The following TEX14 variants were observed in gnomAD, a reference collection of about 807,000 sequenced individuals.
TEX14 encodes the protein testis expressed 14, intercellular bridge forming factor, also known as inactive serine/threonine-protein kinase TEX14.
TEX14 carries 168 observed loss-of-function variants against 178.6 expected under a neutral mutation model. That is an observed-to-expected ratio of 0.94 (90% CI 0.83 to 1.07). The LOEUF (loss-of-function observed/expected upper bound fraction) is 1.07. Ranked by LOEUF, TEX14 falls within the 50% of genes least tolerant of loss-of-function variation. The pLI, the probability that TEX14 is intolerant of heterozygous loss-of-function variation, is 0.00. For missense variants in TEX14, 1,730 were observed against 1,753.6 expected (o/e 0.99, Z 0.24); for synonymous variants, 626 against 634.1 (o/e 0.99, Z 0.19).
chr17:58,572,277 CAAACA>C, intron 23 of TEX14, 151 bp from the exon 24 acceptor site: 2 of 556,016 alleles, frequency 3.6e-6, no homozygotes, highest in Non-Finnish European at 6.3e-6. Flanking sequence ...AACAAACAAA[CAAACA>C]AAACATCCAA....
In TEX14 at chr17:58,584,504, T is replaced by C. The variant is rs1000388873; in HGVS notation, c.3167A>G (p.Tyr1056Cys). ...SDTLVAVEKS[Y>C]STSSPIEEDF... Reference sequence around the variant, plus strand: ...TTTCCAGGCAGTATTACTTACACTGTAAGATTTCTCTACAGCCACCAATGT... The same window carrying C: ...TTTCCAGGCAGTATTACTTACACTGCAAGATTTCTCTACAGCCACCAATGT... The change falls in exon 19 of 32, where the codon TAC becomes TGC. Residue 1056 changes from tyrosine (Y) to cysteine (C), a missense_variant. Coordinates refer to ENST00000349033, the MANE Select transcript of TEX14 (RefSeq NM_031272.5). The C allele has an allele frequency of 1.2e-6, 2 of 1,612,440 alleles. No individual in the cohort carries two copies. Among genetic ancestry groups the C allele is most frequent in the African/African-American group, 1.3e-5 (1 of 74,900 alleles).
intron 1 of TEX14, chr17:58,666,463 A>C (rs2047209303): frequency 7.6e-6 from 1 of 130,930 alleles, no homozygotes; most frequent in Non-Finnish European, 1.6e-5. Flanking sequence ...CACGGCAAAA[A>C]AAAAAAAAAA....
chr17:58,574,055 G>A (rs1567714091), intron 22 of TEX14, 132 bp downstream of exon 22: 6 of 707,200 alleles, frequency 8.5e-6, no homozygotes, highest in Non-Finnish European at 2.4e-6. Flanking sequence ...CAACTTTTTG[G>A]TGAAAGAAGC....
chr17:58,584,984 A>G (rs574974414), intron 18 of TEX14, among the ~76,000 whole-genome samples: 1 of 152,110 alleles, frequency 6.6e-6, no homozygotes, highest in African/African-American at 2.4e-5. Context: ...TACAGCCTTC[A>G]TTTTTTTTAA....
chr17:58,608,197 C>T (rs1237908148), intron 10 of TEX14, among the ~76,000 whole-genome samples: 1 of 152,116 alleles, frequency 6.6e-6, no homozygotes, highest in Non-Finnish European at 1.5e-5. Flanking sequence ...GCGGGTGGAT[C>T]ACAAGGTCAG....
Position 58,593,624 on chromosome 17 carries a change from T to G in TEX14, c.2507A>C (p.Asp836Ala). ...TCCTTGAGTGCACTGAAATTGTTCA[T>G]CTGTGTTCTGTTTTCCAGGGTCACA... ...TLCDPGKQNTDEQFQCTQGAK... is the reference protein window; with the variant it reads ...TLCDPGKQNTAEQFQCTQGAK... The change falls in exon 15 of 32, where the codon GAT (aspartate) becomes GCT (alanine). Residue 836 changes from aspartate to alanine, a missense_variant. By Grantham distance (126) the Asp-to-Ala change is moderately radical. Transcript: ENST00000349033. 1 of 1,614,164 alleles carries G rather than the reference T, an allele frequency of 6.2e-7. No individual in the cohort carries two copies. Among genetic ancestry groups the G allele is most frequent in the Middle Eastern group, 1.6e-4 (1 of 6,062 alleles).
At chr17:58,574,587 T>A (rs1370228661) in intron 21 of TEX14, among the ~76,000 whole-genome samples, 1 of 147,766 alleles carries the variant, frequency 6.8e-6, no homozygotes, top group African/African-American at 2.5e-5. Flanking sequence ...GAGACAGGAA[T>A]TGCTTGAACC....
At chr17:58,621,342 G>T (rs2045992933) in intron 5 of TEX14, among the ~76,000 whole-genome samples, 1 of 152,180 alleles carries the variant, frequency 6.6e-6, no homozygotes, top group South Asian at 2.1e-4. Context: ...TGTCCTGCTG[G>T]GTAAGGGTTT....
chr17:58,624,632 G>C (rs991950811), intron 3 of TEX14, among the ~76,000 whole-genome samples: 1 of 151,926 alleles, frequency 6.6e-6, no homozygotes, highest in African/African-American at 2.4e-5. Context: ...GTGAGCCACC[G>C]CGCCCAGCCT....
At chr17:58,584,698 T>C (rs2044909934) in intron 18 of TEX14, 98 bp from the exon 19 acceptor site, 1 of 1,001,244 alleles carries the variant, frequency 1.0e-6, no homozygotes, top group African/African-American at 1.6e-5. Context: ...TGTATACATA[T>C]TCTGCCAAGA....
chr17:58,578,250 C>G (rs1239515553), intron 20 of TEX14, among the ~76,000 whole-genome samples: 2 of 152,188 alleles, frequency 1.3e-5, no homozygotes, highest in Non-Finnish European at 2.9e-5. Context: ...TTGGGGGTTC[C>G]TCTTCCTCTG....
At chr17:58,684,357 G>A (rs546808247) in intron 1 of TEX14, among the ~76,000 whole-genome samples, 1 of 151,986 alleles carries the variant, frequency 6.6e-6, no homozygotes, top group East Asian at 1.9e-4. Flanking sequence ...AGCTATCTGG[G>A]AGGCTGATAC....
At chr17:58,576,506 C>A (rs888504343) in intron 21 of TEX14, among the ~76,000 whole-genome samples, 8 of 152,152 alleles carry the variant, frequency 5.3e-5, no homozygotes, top group African/African-American at 1.9e-4. Context: ...GAGTGAAATT[C>A]TATCTCAAGA....
At chr17:58,685,720 G>T (rs185061510) in intron 1 of TEX14, among the ~76,000 whole-genome samples, 1 of 151,646 alleles carries the variant, frequency 6.6e-6, no homozygotes, top group Admixed American at 6.6e-5. Context: ...GGCGAGGTGC[G>T]GTGCCTCATG....
At chr17:58,646,292 T>C (rs1432952796) in intron 2 of TEX14, among the ~76,000 whole-genome samples, 1 of 152,028 alleles carries the variant, frequency 6.6e-6, no homozygotes, top group Admixed American at 6.6e-5. Context: ...CACAAAACAA[T>C]ATAAAATGGG....
At position 58,692,015 on chromosome 17, in the gene TEX14, T is replaced by C. The variant is rs1269707904; in HGVS notation, c.-78A>G. ...GTAACCTCCATGCTCGGGATACGAC[T>C]CCCGGGAAGACGTGGGTGGGTGCGG... On this transcript the variant is annotated 5_prime_UTR_variant, in exon 1 of 32. Coordinates refer to ENST00000349033, the MANE Select transcript of TEX14 (RefSeq NM_031272.5). The C allele has an allele frequency of 6.5e-6, 1 of 153,924 alleles. No homozygotes were observed. Among genetic ancestry groups the C allele is most frequent in the African/African-American group, 2.4e-5 (1 of 41,256 alleles). The allele number at this position is 153,924 out of a possible 1,614,324, so 9.5% of individuals were successfully genotyped here.
At chr17:58,679,436 C>CTCG (rs553847892) in intron 1 of TEX14, 36,353 of 151,968 alleles carry the variant, frequency 0.24, 5,242 homozygotes, top group Middle Eastern at 0.41. Context: ...GCATCAATCT[C>CTCG]TCGCTATTCC....
intron 1 of TEX14, chr17:58,660,670 C>T (rs1478052694): frequency 8.9e-6 from 7 of 783,356 alleles, no homozygotes; most frequent in East Asian, 2.4e-5. Flanking sequence ...GTTCATCATC[C>T]TCTTCCTCCT....
At chr17:58,630,246 C>T (rs1284959409) in intron 3 of TEX14, among the ~76,000 whole-genome samples, 194 bp downstream of exon 3, 2 of 89,364 alleles carry the variant, frequency 2.2e-5, no homozygotes, top group Admixed American at 2.2e-4. Context: ...TTAGTAGAGG[C>T]AGGGTTTCAC....
Sources: allele counts gnomAD v4.1 joint callset (sites outside exome capture counted in the v4.1 genomes callset), GRCh38; gene constraint gnomAD v4.1.1; transcripts MANE v1.5; gene names NCBI Gene and HGNC (gene_info 2026-07-23, HGNC 2026-07-21).